The following COG7 variants were observed in gnomAD, a reference collection of about 807,000 sequenced individuals.
COG7 encodes conserved oligomeric Golgi complex subunit 7.
In COG7, 49 loss-of-function variants were observed where a neutral mutation model predicts 91.5. The ratio of observed to expected loss-of-function variants is 0.54; its 90% CI spans 0.43 to 0.68. The LOEUF (loss-of-function observed/expected upper bound fraction) is 0.68. COG7 is among the 30% of genes least tolerant of loss of function. The pLI is 0.00. For missense variants in COG7, 895 were observed against 961.3 expected (o/e 0.93, Z 0.91); for synonymous variants, 365 against 388.7 (o/e 0.94, Z 0.72).
At chr16:23,408,328 GGGGCGAGT>G (rs1195061474) in intron 11 of COG7, among the ~76,000 whole-genome samples, 1 of 33,362 alleles carries the variant, frequency 3.0e-5, no homozygotes, top group East Asian at 1.0e-3. Flanking sequence ...GCGGGAGGTA[GGGGCGAGT>G]GGGGCGGGAG....
intron 4 of COG7, among the ~76,000 whole-genome samples, chr16:23,436,289 T>TA (rs1403968857): frequency 6.6e-6 from 1 of 152,128 alleles, no homozygotes; most frequent in Non-Finnish European, 1.5e-5. Context: ...AATAATTCTA[T>TA]AAAAAGTTGC....
chr16:23,442,807 AG>A (rs1964123286), intron 3 of COG7, among the ~76,000 whole-genome samples, 162 bp from the exon 4 acceptor site: 1 of 152,136 alleles, frequency 6.6e-6, no homozygotes, highest in African/African-American at 2.4e-5. Flanking sequence ...AGATTGAGGC[AG>A]GAGGATCCCT....
intron 2 of COG7, among the ~76,000 whole-genome samples, chr16:23,445,525 C>T (rs1045632173): frequency 9.2e-5 from 14 of 152,086 alleles, no homozygotes; most frequent in African/African-American, 2.4e-5. Flanking sequence ...TGGTGTTGCA[C>T]GTCTGTGATC....
At chr16:23,392,112 T>G in intron 16 of COG7, 1 of 1,353,272 alleles carries the variant, frequency 7.4e-7, no homozygotes, top group Non-Finnish European at 9.5e-7. Flanking sequence ...GCTGCAGGAC[T>G]CGCTGAATCT....
At chr16:23,392,084 C>T (rs995392934) in intron 16 of COG7, 24 of 1,306,080 alleles carry the variant, frequency 1.8e-5, no homozygotes, top group Middle Eastern at 3.0e-4. Flanking sequence ...ACAAATGGAG[C>T]GGGCCAGGTG....
intron 13 of COG7, among the ~76,000 whole-genome samples, chr16:23,402,598 G>A (rs775223850): frequency 2.6e-5 from 4 of 152,154 alleles, no homozygotes; most frequent in African/African-American, 4.8e-5. Flanking sequence ...ATGAGGAAAC[G>A]GAGGCTCACG....
At chr16:23,409,913 G>A (rs1963534924) in intron 11 of COG7, among the ~76,000 whole-genome samples, 1 of 152,052 alleles carries the variant, frequency 6.6e-6, no homozygotes, top group South Asian at 2.1e-4. Context: ...CTGGCCCAAG[G>A]GACTTCACCA....
At chr16:23,401,065 A>G (rs906524994) in intron 13 of COG7, among the ~76,000 whole-genome samples, 1 of 152,184 alleles carries the variant, frequency 6.6e-6, no homozygotes, top group Non-Finnish European at 1.5e-5. Context: ...AAATTTATTT[A>G]AAGTGTCCTT....
rs1000848542 is a variant in COG7, at chr16:23,453,083, C to T, written c.-89G>A. 3 of 1,587,090 alleles carry T rather than the reference C, an allele frequency of 1.9e-6. No homozygotes were observed. Among genetic ancestry groups the T allele is most frequent in the East Asian group, 2.3e-5 (1 of 43,864 alleles). ...GCAGAAGCGAGCGAGCCTGCGAGAG[C>T]ACCGAGGCTAGCCTCCGAGGCGAAC... On this transcript the variant is annotated 5_prime_UTR_variant, in exon 1 of 17. Transcript: ENST00000307149.
chr16:23,447,711 C>T (rs1189950987), intron 1 of COG7, among the ~76,000 whole-genome samples: 1 of 151,646 alleles, frequency 6.6e-6, no homozygotes, highest in Non-Finnish European at 1.5e-5. Context: ...ACCAGCCTGG[C>T]CAACGTGGTG....
chr16:23,396,552 G>A (rs1006590399), intron 14 of COG7, among the ~76,000 whole-genome samples: 12 of 151,602 alleles, frequency 7.9e-5, no homozygotes, highest in African/African-American at 2.4e-4. Context: ...GGTGGTGGGC[G>A]CCTGTAATCC....
In COG7 at chr16:23,406,279, G is replaced by T; in HGVS notation, c.1476-17C>A. On this transcript the variant is annotated splice_polypyrimidine_tract_variant and intron_variant, in intron 11 of 16. Transcript: ENST00000307149. ...GACAAAATCCTGTAATGAAAGGAAT[G>T]ACCATTATGCCCTGAGCTATTTGCA... The T allele has an allele frequency of 1.2e-6, 2 of 1,606,342 alleles. No homozygotes were observed. Among genetic ancestry groups the T allele is most frequent in the South Asian group, 2.2e-5 (2 of 90,878 alleles).
At chr16:23,446,056 C>G (rs1964177820) in intron 1 of COG7, 95 bp from the exon 2 acceptor site, 1 of 1,421,880 alleles carries the variant, frequency 7.0e-7, no homozygotes, top group African/African-American at 1.4e-5. Context: ...GGAAACAAAT[C>G]AGACAACAGA....
In COG7 at chr16:23,392,479, C is replaced by A; in HGVS notation, c.2047G>T (p.Gly683Cys). ...TGCATTGTGGCTCTGGCGATCGAGCCCAGCCAGTTGTCAGCCATGTTGTCC... is the reference window on the plus strand; with the variant it reads ...TGCATTGTGGCTCTGGCGATCGAGCACAGCCAGTTGTCAGCCATGTTGTCC... ...ELDNMADNWL[G>C]SIARATMQTY... The change falls in exon 16 of 17, where the codon GGC becomes TGC. Residue 683 changes from glycine to cysteine, a missense_variant. By Grantham distance (159) the Gly-to-Cys change is radical. Coordinates refer to ENST00000307149, the MANE Select transcript of COG7 (RefSeq NM_153603.4). The A allele has an allele frequency of 6.2e-7, 1 of 1,614,136 alleles. No individual in the cohort carries two copies. Among genetic ancestry groups the A allele is most frequent in the Non-Finnish European group, 8.5e-7 (1 of 1,180,036 alleles).
chr16:23,452,817 G>A lies in COG7; in HGVS notation c.169+9C>T. 6.2e-7 allele frequency: 1 copy of A among 1,609,556 alleles called. No homozygotes were observed. The highest frequency in any genetic ancestry group is 1.3e-5 in the African/African-American group (1 of 74,962). On this transcript the variant is annotated intron_variant, in intron 1 of 16. Coordinates refer to ENST00000307149, the MANE Select transcript of COG7 (RefSeq NM_153603.4). The stretch of plus-strand genomic sequence containing the variant: ...GAGGGTCCCGCGGCCAGGGCCCCGA[G>A]CGGCTCACCCTCCACGGCGTGGTTC...
At chr16:23,390,139 T>C (rs1567325480) in intron 16 of COG7, 1 of 151,964 alleles carries the variant, frequency 6.6e-6, no homozygotes, top group Non-Finnish European at 1.5e-5. Context: ...CTCCTCCCAG[T>C]TCATGCTTGG....
Position 23,398,109 on chromosome 16 carries a change from G to T in COG7, c.1824C>A (p.Ile608=). 1 of 1,614,102 alleles carries T rather than the reference G, an allele frequency of 6.2e-7. No individual in the cohort carries two copies. The highest frequency in any genetic ancestry group is 8.5e-7 in the Non-Finnish European group (1 of 1,179,996). ...SKMDSWNTAG[I]GETLTDELPA... is the part of the protein sequence containing the mutation. ...GCAGTTCATCTGTGAGGGTTTCTCC[G>T]ATGCCAGCCGTATTCCAGCTCTAAG... Residue 608 remains isoleucine, a synonymous_variant, in exon 14 of 17, where the codon ATC becomes ATA. Transcript: ENST00000307149.
chr16:23,414,748 G>A (rs1963625237), intron 9 of COG7: 1 of 152,138 alleles, frequency 6.6e-6, no homozygotes, highest in African/African-American at 2.4e-5. Context: ...GGACATAAAG[G>A]AGGGAGTCAT....
chr16:23,429,833 A>C (rs529379454), intron 6 of COG7, among the ~76,000 whole-genome samples: 1 of 152,332 alleles, frequency 6.6e-6, no homozygotes, highest in South Asian at 2.1e-4. Flanking sequence ...GAAAGGAACA[A>C]ACTAGTGATA....
Sources: gnomAD v4.1 joint callset for allele counts (sites outside exome capture counted in the v4.1 genomes callset) on GRCh38, gnomAD v4.1.1 for gene constraint, MANE v1.5 for transcripts, NCBI Gene and HGNC (gene_info 2026-07-23, HGNC 2026-07-21) for gene names.